The following STIM1 variants were observed in gnomAD, a reference collection of about 807,000 sequenced individuals.
STIM1 encodes stromal interaction molecule 1.
STIM1 carries 25 observed loss-of-function variants against 74.7 expected under a neutral mutation model. The observed-to-expected ratio is 0.33, with a 90% CI of 0.24 to 0.47. The LOEUF (loss-of-function observed/expected upper bound fraction) is 0.47, where lower values mean the gene tolerates loss of function less well. Ranked by LOEUF, STIM1 falls within the 20% of genes least tolerant of loss-of-function variation. The pLI, the probability that STIM1 is intolerant of heterozygous loss-of-function variation, is 1.00. For missense variants in STIM1, 728 were observed against 920.8 expected (o/e 0.79, Z 2.71); for synonymous variants, 328 against 348.8 (o/e 0.94, Z 0.66).
chr11:3,999,086 C>T (rs918114858), intron 2 of STIM1, among the ~76,000 whole-genome samples: 2 of 152,228 alleles, frequency 1.3e-5, no homozygotes, highest in African/African-American at 4.8e-5. Context: ...TGGCTTATGC[C>T]TGCAATCCCA....
intron 2 of STIM1, among the ~76,000 whole-genome samples, chr11:4,001,706 A>G (rs914688254): frequency 8.6e-5 from 13 of 151,846 alleles, no homozygotes; most frequent in Non-Finnish European, 1.5e-4. Flanking sequence ...AGCTAACATC[A>G]TAATGACAGG....
intron 1 of STIM1, among the ~76,000 whole-genome samples, chr11:3,861,329 G>C (rs957335091): frequency 6.6e-6 from 1 of 151,742 alleles, no homozygotes; most frequent in African/African-American, 2.4e-5. Context: ...CACCTCCCAG[G>C]TTCATGCCAT....
At chr11:3,869,781 C>A (rs1311077693) in intron 1 of STIM1, among the ~76,000 whole-genome samples, 1 of 152,114 alleles carries the variant, frequency 6.6e-6, no homozygotes, top group Non-Finnish European at 1.5e-5. Flanking sequence ...ATGCACAGTA[C>A]ATTGGTAAAG....
rs549604241 is a variant in STIM1, at chr11:4,070,036, T to C, written c.624T>C (p.His208=). The change falls in exon 6 of 13, where the codon CAT becomes CAC. Residue 208 remains histidine (H), a synonymous_variant. Coordinates refer to ENST00000526596, the MANE Select transcript of STIM1 (RefSeq NM_001382567.1). ...TCCCCTCTCTGGCAGTGACTCGCCA[T>C]AATCACCTCAAGGACTTCATGCTGG... The part of the protein sequence containing the change: ...VLFGPPLLTR[H]NHLKDFMLVV... 6.2e-7 allele frequency: 1 copy of C among 1,614,152 alleles called. No individual in the cohort carries two copies. Among genetic ancestry groups the C allele is most frequent in the Admixed American group, 1.7e-5 (1 of 60,018 alleles).
chr11:4,041,748 C>T (rs1339617194), intron 3 of STIM1, among the ~76,000 whole-genome samples: 2 of 152,136 alleles, frequency 1.3e-5, no homozygotes, highest in Non-Finnish European at 2.9e-5. Flanking sequence ...CGCCATCACA[C>T]ACAGCTAATT....
At chr11:4,000,112 T>C (rs2093699759) in intron 2 of STIM1, among the ~76,000 whole-genome samples, 1 of 151,862 alleles carries the variant, frequency 6.6e-6, no homozygotes, top group Non-Finnish European at 1.5e-5. Flanking sequence ...CCACCACGGC[T>C]CAAGGAGGCC....
intron 1 of STIM1, among the ~76,000 whole-genome samples, chr11:3,965,580 G>C (rs1314330496): frequency 6.6e-6 from 1 of 152,162 alleles, no homozygotes; most frequent in Non-Finnish European, 1.5e-5. Context: ...GGTGTATTCT[G>C]CTCTCTCCCT....
intron 1 of STIM1, among the ~76,000 whole-genome samples, chr11:3,927,260 T>C (rs2135546317): frequency 6.6e-6 from 1 of 152,324 alleles, no homozygotes; most frequent in South Asian, 2.1e-4. Context: ...AATTTTTAAG[T>C]CTACCTCAGG....
intron 1 of STIM1, among the ~76,000 whole-genome samples, chr11:3,932,666 GA>G (rs57059104): frequency 0.41 from 35,693 of 87,264 alleles, 4,911 homozygotes; most frequent in South Asian, 0.51. Flanking sequence ...TGTCTCAAAG[GA>G]AAAAAAAAAA....
In STIM1 at chr11:3,944,922, T is replaced by A. The variant is rs560839718; in HGVS notation, c.140-22630T>A. ...TTTCATCTTTCTGTTCTTTCCTGTC[T>A]TTATCTAGTGACTCCTCATTATATA... On this transcript the variant is annotated intron_variant, in intron 1 of 12. Transcript: ENST00000526596. Among the ~76,000 whole-genome samples, 8 of 152,322 alleles carry A rather than the reference T, an allele frequency of 5.3e-5. No individual in the cohort carries two copies. In the South Asian group the frequency reaches 1.2e-3, roughly 24 times the overall value.
intron 1 of STIM1, among the ~76,000 whole-genome samples, chr11:3,874,033 G>A (rs563885098): frequency 6.6e-6 from 1 of 152,320 alleles, no homozygotes; most frequent in South Asian, 2.1e-4. Context: ...CGGCCTCCTA[G>A]AGTACCAGAA....
chr11:3,855,230 G>A (rs1027715992), upstream of STIM1: 16 of 152,542 alleles, frequency 1.0e-4, no homozygotes, highest in African/African-American at 3.8e-4. Context: ...GGCAGCTCCT[G>A]GGAGGCTAAC....
intron 2 of STIM1, among the ~76,000 whole-genome samples, chr11:3,987,651 C>G (rs1174583677): frequency 1.3e-5 from 2 of 152,158 alleles, no homozygotes; most frequent in East Asian, 3.9e-4. Flanking sequence ...AGCACAAGAC[C>G]TGTCACATAG....
At chr11:4,019,183 A>G (rs1039479042) in intron 2 of STIM1, 13 of 152,388 alleles carry the variant, frequency 8.5e-5, no homozygotes, top group Non-Finnish European at 1.8e-4. Context: ...AGCTGTTTGT[A>G]CATAAAATAA....
At chr11:4,009,974 A>G (rs1233994563) in intron 2 of STIM1, among the ~76,000 whole-genome samples, 1 of 151,930 alleles carries the variant, frequency 6.6e-6, no homozygotes, top group Non-Finnish European at 1.5e-5. Flanking sequence ...CACCACATGT[A>G]GCTAATTTTA....
At chr11:4,024,638 C>G (rs773581981) in intron 3 of STIM1, among the ~76,000 whole-genome samples, 2 of 152,208 alleles carry the variant, frequency 1.3e-5, no homozygotes, top group Non-Finnish European at 2.9e-5. Flanking sequence ...CGGAGTTGAG[C>G]AGGACTGTCA....
At chr11:3,894,406 G>C (rs575399913) in intron 1 of STIM1, among the ~76,000 whole-genome samples, 46 of 152,244 alleles carry the variant, frequency 3.0e-4, no homozygotes, top group African/African-American at 1.1e-3. Context: ...CCAAGGGGTG[G>C]AGTGGGGGGT....
At chr11:3,966,999 A>C (rs1343301818) in intron 1 of STIM1, among the ~76,000 whole-genome samples, 1 of 152,252 alleles carries the variant, frequency 6.6e-6, no homozygotes, top group African/African-American at 2.4e-5. Context: ...ATGAGAAGGC[A>C]TGAGATGTGA....
chr11:4,082,755 C>A, intron 8 of STIM1, 127 bp from the exon 9 acceptor site: 3 of 752,408 alleles, frequency 4.0e-6, no homozygotes, highest in South Asian at 1.6e-5. Flanking sequence ...TCCTCTTTCT[C>A]TTCCCTTTCC....
Sources: gnomAD v4.1 joint callset for allele counts (sites outside exome capture counted in the v4.1 genomes callset) on GRCh38, gnomAD v4.1.1 for gene constraint, MANE v1.5 for transcripts, NCBI Gene and HGNC (gene_info 2026-07-23, HGNC 2026-07-21) for gene names.